The following KLHL20 variants were observed in gnomAD, a reference collection of about 807,000 sequenced individuals.
KLHL20 encodes the protein kelch-like protein 20.
KLHL20 carries 29 observed loss-of-function variants against 69.5 expected under a neutral mutation model. The observed-to-expected ratio is 0.42, with a 90% CI of 0.31 to 0.57. The LOEUF is 0.57. Among genes scored for constraint, KLHL20 ranks in the 20% least tolerant of loss-of-function variants. The pLI is 0.18. For missense variants in KLHL20, 419 were observed against 776.0 expected (o/e 0.54, Z 5.47); for synonymous variants, 253 against 265.2 (o/e 0.95, Z 0.45).
intron 9 of KLHL20, among the ~76,000 whole-genome samples, chr1:173,775,400 A>G (rs1012320031): frequency 6.6e-6 from 1 of 152,220 alleles, no homozygotes; most frequent in Non-Finnish European, 1.5e-5. Flanking sequence ...AACTAGAACC[A>G]GAGTATCTGG....
intron 8 of KLHL20, among the ~76,000 whole-genome samples, 196 bp downstream of exon 8, chr1:173,766,485 A>ATAC: frequency 6.6e-6 from 1 of 151,232 alleles, no homozygotes; most frequent in African/African-American, 2.4e-5. Context: ...AATACAAAAA[A>ATAC]AAAAAAAAAA....
intron 2 of KLHL20, among the ~76,000 whole-genome samples, chr1:173,719,091 C>T (rs1280722490): frequency 2.0e-5 from 2 of 101,266 alleles, no homozygotes; most frequent in Non-Finnish European, 3.9e-5. Context: ...GGCTAAACAG[C>T]GGGACTCCGT....
chr1:173,734,433 C>T (rs1228572409), intron 3 of KLHL20, 147 bp downstream of exon 3: 5 of 750,986 alleles, frequency 6.7e-6, no homozygotes, highest in Non-Finnish European at 1.1e-5. Context: ...CTAAACCTGG[C>T]TTTTATTTTA....
intron 6 of KLHL20, 30 bp from the exon 7 acceptor site, chr1:173,756,946 T>G: frequency 1.2e-6 from 2 of 1,603,046 alleles, no homozygotes; most frequent in East Asian, 2.2e-5. Flanking sequence ...CAGGATAGGA[T>G]TCTCTTGACC....
chr1:173,736,751 A>C (rs1403101246), intron 3 of KLHL20, among the ~76,000 whole-genome samples: 2 of 152,036 alleles, frequency 1.3e-5, no homozygotes, highest in Non-Finnish European at 2.9e-5. Flanking sequence ...ATTTGCCACC[A>C]CACCAAGCTA....
chr1:173,773,594 G>A (rs975288630), intron 8 of KLHL20, among the ~76,000 whole-genome samples: 2 of 151,894 alleles, frequency 1.3e-5, no homozygotes, highest in African/African-American at 4.8e-5. Context: ...GTAGTAGAGA[G>A]TAACAGCCAT....
intron 3 of KLHL20, among the ~76,000 whole-genome samples, chr1:173,749,964 A>G (rs1053975417): frequency 5.9e-5 from 9 of 152,292 alleles, no homozygotes; most frequent in South Asian, 2.1e-4. Flanking sequence ...GTTAACAGAT[A>G]AAATACAGGG....
At chr1:173,744,107 A>G (rs1375034309) in intron 3 of KLHL20, among the ~76,000 whole-genome samples, 1 of 152,122 alleles carries the variant, frequency 6.6e-6, no homozygotes, top group Non-Finnish European at 1.5e-5. Context: ...AATCATTCTA[A>G]CCAGTAATAT....
chr1:173,765,696 T>C (rs1462208731), intron 7 of KLHL20, among the ~76,000 whole-genome samples: 1 of 151,710 alleles, frequency 6.6e-6, no homozygotes, highest in Non-Finnish European at 1.5e-5. Context: ...AAAAGAAAAA[T>C]CTAGAGCTAT....
chr1:173,729,613 C>A (rs763269116), intron 2 of KLHL20, among the ~76,000 whole-genome samples: 5 of 152,052 alleles, frequency 3.3e-5, no homozygotes, highest in Non-Finnish European at 4.4e-5. Flanking sequence ...ACAGAACCAA[C>A]GACAAAAACC....
chr1:173,757,360 C>T (rs971579490), intron 7 of KLHL20, among the ~76,000 whole-genome samples: 3 of 152,150 alleles, frequency 2.0e-5, no homozygotes, highest in Admixed American at 6.6e-5. Context: ...TGACACACTA[C>T]CACTCCCTAA....
At chr1:173,718,034 C>A (rs1021404783) in intron 2 of KLHL20, among the ~76,000 whole-genome samples, 6 of 152,096 alleles carry the variant, frequency 3.9e-5, no homozygotes, top group African/African-American at 1.4e-4. Context: ...CTTATGCATT[C>A]TTTTAGAGGC....
chr1:173,757,880 C>T (rs1486019856), intron 7 of KLHL20, among the ~76,000 whole-genome samples: 1 of 152,116 alleles, frequency 6.6e-6, no homozygotes, highest in Non-Finnish European at 1.5e-5. Context: ...ATCGCAGTGA[C>T]TGGGCACATT....
chr1:173,742,621 A>G (rs994379235), intron 3 of KLHL20, among the ~76,000 whole-genome samples: 1 of 151,460 alleles, frequency 6.6e-6, no homozygotes, highest in Non-Finnish European at 1.5e-5. Context: ...ATACGTGCAG[A>G]TATATACACA....
chr1:173,783,918 GAAC>G (rs537256357), intron 11 of KLHL20, among the ~76,000 whole-genome samples: 26 of 149,906 alleles, frequency 1.7e-4, no homozygotes, highest in South Asian at 1.5e-3. Context: ...ATACAAAACT[GAAC>G]AACAACAACA....
chr1:173,773,759 A>C (rs1194142803), intron 8 of KLHL20, among the ~76,000 whole-genome samples: 2 of 151,874 alleles, frequency 1.3e-5, no homozygotes, highest in Non-Finnish European at 2.9e-5. Flanking sequence ...CACGCCTGTA[A>C]TCCCAGCACT....
intron 11 of KLHL20, 70 bp downstream of exon 11, chr1:173,782,300 G>T: frequency 8.6e-7 from 1 of 1,162,540 alleles, no homozygotes; most frequent in South Asian, 1.2e-5. Flanking sequence ...AATAGCCTAT[G>T]ACCATCAGAA....
At chr1:173,757,527 C>T (rs1571905081) in intron 7 of KLHL20, among the ~76,000 whole-genome samples, 2 of 151,972 alleles carry the variant, frequency 1.3e-5, no homozygotes, top group Middle Eastern at 6.8e-3. Flanking sequence ...TGGCCAGGTG[C>T]AGTGGCTCAT....
Position 173,741,951 on chromosome 1 carries a change from A to C in KLHL20, c.597+7665A>C, listed in dbSNP as rs1436999295. ...ACTAAAAGCACTCTGAATCAAGATAAGTGGGAAACCATCTCGATAAACACA... is the reference window on the plus strand; with the variant it reads ...ACTAAAAGCACTCTGAATCAAGATACGTGGGAAACCATCTCGATAAACACA... On this transcript the variant is annotated intron_variant, in intron 3 of 11. Coordinates refer to ENST00000209884, the MANE Select transcript of KLHL20 (RefSeq NM_014458.4). 5.8e-6 allele frequency: 5 copies of C among 863,586 alleles called. No homozygotes were observed. The East Asian group carries it at 1.3e-4, about 22-fold the overall frequency. 53.5% of individuals were successfully genotyped at this position (863,586 alleles called of 1,614,324 possible). A position where few individuals can be genotyped will look rare whatever the true frequency, so the allele number is the denominator to read the frequency against.
Sources: gnomAD v4.1 joint callset for allele counts (sites outside exome capture counted in the v4.1 genomes callset) on GRCh38, gnomAD v4.1.1 for gene constraint, MANE v1.5 for transcripts, NCBI Gene and HGNC (gene_info 2026-07-23, HGNC 2026-07-21) for gene names.